The following SDK1 variants were observed in gnomAD, a reference collection of about 807,000 sequenced individuals.
The protein encoded by SDK1 is sidekick cell adhesion molecule 1.
Under a neutral mutation model 245.5 loss-of-function variants are expected in SDK1, and 157 were observed. The ratio of observed to expected loss-of-function variants is 0.64; its 90% confidence interval spans 0.56 to 0.73. SDK1 has a LOEUF of 0.73. Ranked by LOEUF, SDK1 falls within the 30% of genes least tolerant of loss-of-function variation. The pLI, the probability that SDK1 is intolerant of heterozygous loss-of-function variation, is 0.00. For synonymous variants in SDK1, 1,647 were observed against 1,278.5 expected (o/e 1.29, Z -6.15); for missense variants, 3,583 against 3,002.3 (o/e 1.19, Z -4.52).
At chr7:3,577,536 A>T (rs373147508) in intron 1 of SDK1, among the ~76,000 whole-genome samples, 4 of 151,932 alleles carry the variant, frequency 2.6e-5, no homozygotes, top group East Asian at 1.9e-4. Flanking sequence ...CTCCACCTCA[A>T]GGGTAACCTT....
chr7:3,600,975 T>A (rs1198346556), intron 1 of SDK1, among the ~76,000 whole-genome samples: 1 of 152,064 alleles, frequency 6.6e-6, no homozygotes, highest in East Asian at 1.9e-4. Context: ...CCTCAATTGA[T>A]AGCTCACCTA....
chr7:3,332,371 A>G (rs1480619719), intron 1 of SDK1, among the ~76,000 whole-genome samples: 3 of 152,082 alleles, frequency 2.0e-5, no homozygotes, highest in African/African-American at 4.8e-5. Context: ...TATTCCTATT[A>G]TTCTGGCATT....
chr7:4,037,494 G>A (rs1046686537), intron 17 of SDK1, among the ~76,000 whole-genome samples: 3 of 152,262 alleles, frequency 2.0e-5, no homozygotes, highest in Middle Eastern at 6.8e-3. Flanking sequence ...TGACTCATCT[G>A]TAATTGCAGC....
intron 4 of SDK1, among the ~76,000 whole-genome samples, chr7:3,686,771 G>T (rs2114990615): frequency 6.6e-6 from 1 of 152,268 alleles, no homozygotes; most frequent in African/African-American, 2.4e-5. Flanking sequence ...GAGCTGCAGG[G>T]GACGAGGTCA....
intron 1 of SDK1, among the ~76,000 whole-genome samples, chr7:3,409,954 G>C (rs1779155343): frequency 6.6e-6 from 1 of 152,094 alleles, no homozygotes; most frequent in Admixed American, 6.5e-5. Context: ...TTTGTTGAGT[G>C]CATACTAGCT....
chr7:3,431,954 AAACTGT>A (rs1779858961), intron 1 of SDK1, among the ~76,000 whole-genome samples: 2 of 151,990 alleles, frequency 1.3e-5, no homozygotes, highest in Admixed American at 6.6e-5. Flanking sequence ...AGGGGTGTTT[AAACTGT>A]GATTAACAAA....
chr7:3,486,956 G>T (rs1781717200), intron 1 of SDK1, among the ~76,000 whole-genome samples: 1 of 152,076 alleles, frequency 6.6e-6, no homozygotes, highest in Non-Finnish European at 1.5e-5. Context: ...TATTTGCTTT[G>T]CTAAGATTGT....
chr7:3,384,447 A>G (rs1232817903), intron 1 of SDK1, among the ~76,000 whole-genome samples: 1 of 152,226 alleles, frequency 6.6e-6, no homozygotes, highest in African/African-American at 2.4e-5. Context: ...TGCGTCCTAT[A>G]TGCTTTTAGA....
At chr7:3,671,664 C>T (rs1003649141) in intron 4 of SDK1, among the ~76,000 whole-genome samples, 2 of 152,112 alleles carry the variant, frequency 1.3e-5, no homozygotes, top group Admixed American at 1.3e-4. Context: ...AGGAAGTTAA[C>T]TAATCAAACA....
At chr7:3,502,751 G>T (rs1458812136) in intron 1 of SDK1, among the ~76,000 whole-genome samples, 1 of 152,156 alleles carries the variant, frequency 6.6e-6, no homozygotes, top group Admixed American at 6.5e-5. Flanking sequence ...TTACAATGTG[G>T]AATGAGTATA....
Position 3,967,454 on chromosome 7 carries a change from C to T in SDK1, c.1546+20C>T, listed in dbSNP as rs745725686. 4.8e-6 allele frequency: 7 copies of T among 1,444,810 alleles called. No homozygotes were observed. The highest frequency in any genetic ancestry group is 6.8e-6 in the Non-Finnish European group (7 of 1,025,514). 89.5% of individuals were successfully genotyped at this position (1,444,810 alleles called of 1,614,324 possible). A position where few individuals can be genotyped will look rare whatever the true frequency, so the allele number is the denominator to read the frequency against. The stretch of plus-strand genomic sequence containing the variant: ...AAAGAGGTGGGTAGCATCCACTGCC[C>T]ACAACAGCATGGCCCATGTAGAACA... On this transcript the variant is annotated intron_variant, in intron 10 of 44. Transcript: ENST00000404826.
chr7:3,501,320 C>T (rs75037702), intron 1 of SDK1, among the ~76,000 whole-genome samples: 1 of 151,778 alleles, frequency 6.6e-6, no homozygotes, highest in Non-Finnish European at 1.5e-5. Context: ...CTATTCTTCC[C>T]TCTGTTTTCT....
At chr7:4,043,947 C>T (rs1332998713) in intron 17 of SDK1, among the ~76,000 whole-genome samples, 1 of 151,958 alleles carries the variant, frequency 6.6e-6, no homozygotes, top group East Asian at 1.9e-4. Flanking sequence ...GGCGTTTATT[C>T]TTTCTTTTCC....
chr7:3,829,862 C>A (rs142679009), intron 5 of SDK1, among the ~76,000 whole-genome samples: 293 of 152,280 alleles, frequency 1.9e-3, no homozygotes, highest in Non-Finnish European at 3.5e-3. Flanking sequence ...AGGCTGGCAC[C>A]CTTTTGCAAC....
intron 25 of SDK1, among the ~76,000 whole-genome samples, chr7:4,116,888 G>A (rs1375962213): frequency 6.6e-6 from 1 of 152,216 alleles, no homozygotes; most frequent in Admixed American, 6.5e-5. Flanking sequence ...CCAAGCAGCA[G>A]GGCTGGGCCC....
chr7:3,590,217 C>A lies in SDK1; in HGVS notation c.299-28863C>A, dbSNP rs147379857. The stretch of plus-strand genomic sequence containing the variant: ...TTTATGTTTCTTCAGTTTTCTGTTA[C>A]GGATACTGGAGCAGAAGTTGAATTT... On this transcript the variant is annotated intron_variant, in intron 1 of 44. Coordinates refer to ENST00000404826, the MANE Select transcript of SDK1 (RefSeq NM_152744.4). Among the ~76,000 whole-genome samples the A allele has an allele frequency of 3.3e-5, 5 of 150,668 alleles. No individual in the cohort carries two copies. In the East Asian group the frequency reaches 9.8e-4, roughly 29 times the overall value.
intron 5 of SDK1, among the ~76,000 whole-genome samples, chr7:3,867,283 T>A (rs564645803): frequency 6.6e-6 from 1 of 152,088 alleles, no homozygotes; most frequent in Non-Finnish European, 1.5e-5. Flanking sequence ...GGACTCTTCA[T>A]TGAAAGCATG....
intron 1 of SDK1, among the ~76,000 whole-genome samples, chr7:3,415,837 C>G (rs1183693067): frequency 6.6e-6 from 1 of 152,004 alleles, no homozygotes; most frequent in Non-Finnish European, 1.5e-5. Context: ...AGTGTGAACA[C>G]ATATTTTTGA....
intron 1 of SDK1, among the ~76,000 whole-genome samples, chr7:3,476,897 T>A (rs1169686798): frequency 6.6e-6 from 1 of 151,998 alleles, no homozygotes; most frequent in Non-Finnish European, 1.5e-5. Flanking sequence ...TGGCAGTAAG[T>A]GGGGAAAGAG....
Sources: allele counts gnomAD v4.1 joint callset (sites outside exome capture counted in the v4.1 genomes callset), GRCh38; gene constraint gnomAD v4.1.1; transcripts MANE v1.5; gene names NCBI Gene and HGNC (gene_info 2026-07-23, HGNC 2026-07-21).